Variants in DLEC1 observed in about 807,000 individuals in gnomAD.
The protein encoded by DLEC1 is deleted in lung and esophageal cancer protein 1.
In DLEC1, 146 loss-of-function variants were observed where a neutral mutation model predicts 198.1. That is an observed-to-expected ratio of 0.74 (90% confidence interval 0.64 to 0.85). DLEC1 has a LOEUF of 0.85. Ranked by LOEUF, DLEC1 falls within the 40% of genes least tolerant of loss-of-function variation. DLEC1 has a pLI of 0.00. For missense variants in DLEC1, 2,233 were observed against 2,220.0 expected (o/e 1.01, Z -0.12); for synonymous variants, 897 against 866.8 (o/e 1.03, Z -0.61).
At chr3:38,073,157 G>A (rs888742777) in intron 6 of DLEC1, among the ~76,000 whole-genome samples, 6 of 152,200 alleles carry the variant, frequency 3.9e-5, no homozygotes, top group African/African-American at 9.6e-5. Flanking sequence ...CTTTAAGATC[G>A]AGAACAGAAC....
Position 38,045,762 on chromosome 3 carries a change from A to G in DLEC1, c.562+69A>G. 2.0e-6 allele frequency: 3 copies of G among 1,481,880 alleles called. 1 individual carries two copies. Among genetic ancestry groups the G allele is most frequent in the Non-Finnish European group, 2.7e-6 (3 of 1,104,392 alleles). 91.8% of individuals were successfully genotyped at this position (1,481,880 alleles called of 1,614,324 possible). A position where few individuals can be genotyped will look rare whatever the true frequency, so the allele number is the denominator to read the frequency against. On this transcript the variant is annotated intron_variant, in intron 2 of 36. Coordinates refer to ENST00000308059, the MANE Select transcript of DLEC1 (RefSeq NM_007335.4). ...GTTGATATTTCACTGTGTTTGCTCC[A>G]TTGCCCACTCTCTAGGCTTTTTCTG...
At chr3:38,084,296 GGTATTAGTAGTAATAGTAGTA>G (rs1698233875) in intron 7 of DLEC1, 51 bp downstream of exon 7, 2 of 1,501,120 alleles carry the variant, frequency 1.3e-6, no homozygotes, top group Admixed American at 3.4e-5. Context: ...TAGTAGTGGT[GGTATTAGTAGTAATAGTAGTA>G]GTGGTGGTAG....
chr3:38,079,052 T>C (rs1697802830), intron 6 of DLEC1, among the ~76,000 whole-genome samples: 1 of 152,050 alleles, frequency 6.6e-6, no homozygotes, highest in Non-Finnish European at 1.5e-5. Flanking sequence ...TGATTAGGTT[T>C]TAATGAGATG....
chr3:38,053,919 T>C (rs1696188188), intron 2 of DLEC1, among the ~76,000 whole-genome samples: 1 of 152,154 alleles, frequency 6.6e-6, no homozygotes, highest in Non-Finnish European at 1.5e-5. Context: ...CTCTGAAACA[T>C]GTGCTGTTTC....
chr3:38,054,266 T>C (rs913229141), intron 2 of DLEC1, among the ~76,000 whole-genome samples: 1 of 152,142 alleles, frequency 6.6e-6, no homozygotes, highest in African/African-American at 2.4e-5. Context: ...AAGTTTGTGT[T>C]GGTGGCAGCT....
chr3:38,062,863 T>G, intron 5 of DLEC1, 62 bp downstream of exon 5: 1 of 1,550,230 alleles, frequency 6.5e-7, no homozygotes, highest in Non-Finnish European at 8.8e-7. Flanking sequence ...ACCTAGATGG[T>G]CCTCCGTTTG....
chr3:38,092,112 G>A (rs930803594), intron 10 of DLEC1, among the ~76,000 whole-genome samples: 2 of 152,148 alleles, frequency 1.3e-5, no homozygotes, highest in East Asian at 1.9e-4. Flanking sequence ...GCACTCTTAT[G>A]TTCATTGTGT....
chr3:38,085,499 CA>C, intron 8 of DLEC1, 52 bp downstream of exon 8: 1 of 1,594,356 alleles, frequency 6.3e-7, no homozygotes, highest in Non-Finnish European at 8.6e-7. Flanking sequence ...GGAGAGTCCC[CA>C]TAAGGACTGC....
chr3:38,107,799 A>AG (rs1699646856), intron 20 of DLEC1, 62 bp downstream of exon 20: 17 of 1,562,710 alleles, frequency 1.1e-5, no homozygotes, highest in Non-Finnish European at 1.4e-5. Flanking sequence ...GCCCACATAG[A>AG]GGGGGGCATT....
chr3:38,084,431 A>AGTG (rs1559430135), intron 7 of DLEC1, among the ~76,000 whole-genome samples, 186 bp downstream of exon 7: 1 of 25,196 alleles, frequency 4.0e-5, no homozygotes, highest in Non-Finnish European at 8.0e-5. Flanking sequence ...TGGTAGTAGT[A>AGTG]GTAGTGGTGG....
chr3:38,054,166 C>T (rs371122633), intron 2 of DLEC1, among the ~76,000 whole-genome samples: 43 of 151,854 alleles, frequency 2.8e-4, no homozygotes, highest in African/African-American at 9.7e-4. Flanking sequence ...TCCCCCTCTC[C>T]GAGAAACACC....
chr3:38,079,084 GCCA>G, intron 6 of DLEC1, among the ~76,000 whole-genome samples: 1 of 152,200 alleles, frequency 6.6e-6, no homozygotes, highest in East Asian at 1.9e-4. Context: ...ATGATCGGTC[GCCA>G]AGGAGGGAGT....
chr3:38,099,180 T>TC (rs1699180067), intron 18 of DLEC1, among the ~76,000 whole-genome samples: 1 of 152,094 alleles, frequency 6.6e-6, no homozygotes. Flanking sequence ...CACATTCCAG[T>TC]CCCCTGCACT....
At chr3:38,073,074 G>C (rs529378523) in intron 6 of DLEC1, among the ~76,000 whole-genome samples, 2 of 152,248 alleles carry the variant, frequency 1.3e-5, no homozygotes, top group Non-Finnish European at 2.9e-5. Context: ...GGACTGATGG[G>C]TGACAGGGTC....
chr3:38,079,433 A>G (rs1313623913), intron 6 of DLEC1, among the ~76,000 whole-genome samples: 2 of 152,060 alleles, frequency 1.3e-5, no homozygotes, highest in Non-Finnish European at 2.9e-5. Context: ...TAGCCTCCGT[A>G]TTGATTAAGA....
intron 6 of DLEC1, among the ~76,000 whole-genome samples, chr3:38,077,188 A>G (rs188575748): frequency 6.6e-6 from 1 of 152,326 alleles, no homozygotes; most frequent in African/African-American, 2.4e-5. Flanking sequence ...ACGAGGAGAT[A>G]TCAGCTGTGA....
In DLEC1 at chr3:38,122,473, A is replaced by T; in HGVS notation, c.*61A>T. The T allele has an allele frequency of 6.2e-7, 1 of 1,613,682 alleles. No homozygotes were observed. The highest frequency in any genetic ancestry group is 8.5e-7 in the Non-Finnish European group (1 of 1,179,946). On this transcript the variant is annotated 3_prime_UTR_variant, in exon 37 of 37. Coordinates refer to ENST00000308059, the MANE Select transcript of DLEC1 (RefSeq NM_007335.4). ...GGAGAAAAAACATTGCCCAGGGATT[A>T]GGAGCAGCTCTTCAGCACAAAGACA... is the stretch of plus-strand genomic sequence containing the variant.
intron 34 of DLEC1, 43 bp downstream of exon 34, chr3:38,120,652 G>A: frequency 6.2e-7 from 1 of 1,610,086 alleles, no homozygotes; most frequent in Non-Finnish European, 8.5e-7. Flanking sequence ...GGTGGAAGTG[G>A]GCTGGGCTGT....
intron 3 of DLEC1, 128 bp downstream of exon 3, chr3:38,059,980 G>T: frequency 1.3e-6 from 1 of 776,920 alleles, no homozygotes; most frequent in South Asian, 1.7e-5. Context: ...TTTCGATGGT[G>T]ACTGTTGGGA....
Sources: allele counts gnomAD v4.1 joint callset (sites outside exome capture counted in the v4.1 genomes callset), GRCh38; gene constraint gnomAD v4.1.1; transcripts MANE v1.5; gene names NCBI Gene and HGNC (gene_info 2026-07-23, HGNC 2026-07-21).